The following BNC2 variants were observed in gnomAD, a reference collection of about 807,000 sequenced individuals.
BNC2 encodes basonuclin zinc finger protein 2.
A neutral mutation model predicts 76.3 loss-of-function variants in BNC2; 20 were observed. That is an observed-to-expected ratio of 0.26 (90% CI 0.18 to 0.38). BNC2 has a LOEUF of 0.38. BNC2 is among the 10% of genes least tolerant of loss of function. The pLI, the probability that BNC2 is intolerant of heterozygous loss-of-function variation, is 1.00. For missense variants in BNC2, 1,382 were observed against 1,399.8 expected (o/e 0.99, Z 0.20); for synonymous variants, 582 against 514.8 (o/e 1.13, Z -1.77).
chr9:16,855,093 T>A (rs749250085), intron 1 of BNC2, among the ~76,000 whole-genome samples: 1 of 151,878 alleles, frequency 6.6e-6, no homozygotes, highest in Admixed American at 6.6e-5. Context: ...ACATGAGTAT[T>A]CCACCTCATA....
chr9:16,830,107 G>T (rs1189477886), intron 1 of BNC2, among the ~76,000 whole-genome samples: 1 of 152,162 alleles, frequency 6.6e-6, no homozygotes, highest in East Asian at 1.9e-4. Context: ...AAAAGCTTTT[G>T]AAACAACATA....
At chr9:16,516,865 A>G (rs1047164444) in intron 5 of BNC2, among the ~76,000 whole-genome samples, 1 of 152,250 alleles carries the variant, frequency 6.6e-6, no homozygotes, top group Non-Finnish European at 1.5e-5. Context: ...TTCTAACTCT[A>G]AATGAGGTAA....
intron 1 of BNC2, among the ~76,000 whole-genome samples, chr9:16,855,945 A>G (rs564374965): frequency 3.9e-5 from 6 of 152,270 alleles, no homozygotes; most frequent in African/African-American, 1.4e-4. Flanking sequence ...GTAAACATTT[A>G]CTTGCTGGCT....
chr9:16,468,762 G>A (rs1028931245), intron 5 of BNC2, among the ~76,000 whole-genome samples: 3 of 152,068 alleles, frequency 2.0e-5, no homozygotes, highest in Non-Finnish European at 2.9e-5. Flanking sequence ...TCCAAGCTGA[G>A]GTTTAAGAGG....
chr9:16,525,156 CA>C (rs1185062518), intron 5 of BNC2, among the ~76,000 whole-genome samples: 1 of 147,868 alleles, frequency 6.8e-6, no homozygotes, highest in Non-Finnish European at 1.5e-5. Context: ...AACTAGATAA[CA>C]TTAACTAGTT....
chr9:16,618,103 C>T (rs1275193003), intron 3 of BNC2, among the ~76,000 whole-genome samples: 1 of 152,180 alleles, frequency 6.6e-6, no homozygotes, highest in Non-Finnish European at 1.5e-5. Flanking sequence ...GTAACAATGC[C>T]ATCAATAATC....
chr9:16,665,487 A>AG (rs1491158082), intron 3 of BNC2, among the ~76,000 whole-genome samples: 2 of 142,482 alleles, frequency 1.4e-5, no homozygotes, highest in African/African-American at 2.9e-5. Context: ...AGAAAGAAAG[A>AG]AAGAGAGAGA....
chr9:16,667,532 T>A (rs1822336400), intron 3 of BNC2, among the ~76,000 whole-genome samples: 1 of 152,224 alleles, frequency 6.6e-6, no homozygotes, highest in South Asian at 2.1e-4. Context: ...CGATTTCCAA[T>A]TATCAGAAAG....
In BNC2 at chr9:16,659,369, G is replaced by C. The variant is rs915400894; in HGVS notation, c.330+68428C>G. Among the ~76,000 whole-genome samples the C allele has an allele frequency of 2.6e-5, 4 of 152,060 alleles. 1 individual carries two copies. The highest frequency in any genetic ancestry group is 2.1e-4 in the South Asian group (1 of 4,822). Reference sequence around the variant, plus strand: ...GCTCACGCGTAATCACAGCACTTTGGGGGGCCGAGGTGGGCAGATCAGGAG... The same window carrying C: ...GCTCACGCGTAATCACAGCACTTTGCGGGGCCGAGGTGGGCAGATCAGGAG... On this transcript the variant is annotated intron_variant, in intron 3 of 6. Coordinates refer to ENST00000380672, the MANE Select transcript of BNC2 (RefSeq NM_017637.6).
chr9:16,743,989 C>T (rs920781088), intron 1 of BNC2, among the ~76,000 whole-genome samples: 8 of 90,886 alleles, frequency 8.8e-5, no homozygotes, highest in East Asian at 6.9e-4. Context: ...TGTTTGGAGA[C>T]GGAGTCTCGC....
chr9:16,506,182 A>T (rs896780360), intron 5 of BNC2, among the ~76,000 whole-genome samples: 4 of 152,220 alleles, frequency 2.6e-5, no homozygotes, highest in Non-Finnish European at 5.9e-5. Flanking sequence ...GTAGGTTAAA[A>T]AAAATACTGA....
intron 5 of BNC2, among the ~76,000 whole-genome samples, chr9:16,465,798 C>T (rs1821693533): frequency 6.6e-6 from 1 of 152,040 alleles, no homozygotes; most frequent in Non-Finnish European, 1.5e-5. Context: ...ACAGAGTATG[C>T]AATTAAAATG....
rs1198475625 is a variant in BNC2 at position 16,413,822 on chromosome 9, A to C, written c.*5167T>G. The C allele has an allele frequency of 6.6e-6, 1 of 152,158 alleles. No individual in the cohort carries two copies. Among genetic ancestry groups the C allele is most frequent in the Non-Finnish European group, 1.5e-5 (1 of 68,032 alleles). The allele number at this position is 152,158 out of a possible 1,614,324, so 9.4% of individuals were successfully genotyped here. ...TACATACCTCATAGAACAGTAAATG[A>C]GCTCCCATTTTGATCAAGGTCTTTA... is the stretch of plus-strand genomic sequence containing the variant. On this transcript the variant is annotated 3_prime_UTR_variant, in exon 7 of 7. Transcript: ENST00000380672.
At position 16,436,560 on chromosome 9, in the gene BNC2, G is replaced by A; in HGVS notation, c.1634C>T (p.Pro545Leu). Residue 545 changes from proline to leucine, a missense_variant, in exon 6 of 7, where the codon CCT becomes CTT. Pro to Leu is a moderately conservative substitution (Grantham distance 98, BLOSUM62 -3). Around this residue, in one of 3 missense-constraint regions of BNC2, gnomAD observed 798 missense variants for 775.5 expected, o/e 1.03. Coordinates refer to ENST00000380672, the MANE Select transcript of BNC2 (RefSeq NM_017637.6). Reference protein sequence around the residue: ...GRPPMGFTTPPLDPVLQNPLP... With the variant: ...GRPPMGFTTPLLDPVLQNPLP... Reference sequence around the variant, plus strand: ...AGGATTTTGCAAGACAGGGTCTAGAGGGGGAGTGGTAAAACCCATTGGGGG... The same window carrying A: ...AGGATTTTGCAAGACAGGGTCTAGAAGGGGAGTGGTAAAACCCATTGGGGG... The A allele has an allele frequency of 1.2e-6, 2 of 1,614,126 alleles. No homozygotes were observed. Among genetic ancestry groups the A allele is most frequent in the Non-Finnish European group, 1.7e-6 (2 of 1,180,018 alleles).
chr9:16,867,054 G>A (rs1468444852), intron 1 of BNC2, among the ~76,000 whole-genome samples: 1 of 152,112 alleles, frequency 6.6e-6, no homozygotes, highest in Non-Finnish European at 1.5e-5. Flanking sequence ...GAATTCTATA[G>A]TGAAACTTTA....
intron 5 of BNC2, among the ~76,000 whole-genome samples, chr9:16,440,005 C>G (rs1357763223): frequency 1.3e-5 from 2 of 152,224 alleles, no homozygotes; most frequent in Admixed American, 6.5e-5. Flanking sequence ...AAACCTCACT[C>G]ACAGCAGTTG....
At chr9:16,709,297 T>G (rs1372434703) in intron 3 of BNC2, among the ~76,000 whole-genome samples, 1 of 152,110 alleles carries the variant, frequency 6.6e-6, no homozygotes, top group Non-Finnish European at 1.5e-5. Context: ...CCGTCAAAAG[T>G]GACACAGAAG....
chr9:16,834,617 C>T (rs1818660656), intron 1 of BNC2, among the ~76,000 whole-genome samples: 1 of 152,146 alleles, frequency 6.6e-6, no homozygotes, highest in Admixed American at 6.5e-5. Context: ...CAATGTTTGC[C>T]TTCCACAATT....
At chr9:16,655,268 A>G (rs1821897143) in intron 3 of BNC2, among the ~76,000 whole-genome samples, 1 of 152,180 alleles carries the variant, frequency 6.6e-6, no homozygotes, top group Admixed American at 6.5e-5. Flanking sequence ...TAAAACACAA[A>G]TTCTCCAAAT....
Sources: allele counts gnomAD v4.1 joint callset (sites outside exome capture counted in the v4.1 genomes callset), GRCh38; gene constraint gnomAD v4.1.1; regional missense constraint gnomAD v4.1.1; transcripts MANE v1.5; gene names NCBI Gene and HGNC (gene_info 2026-07-23, HGNC 2026-07-21).